KDM4B: variants seen among roughly 807,000 people sequenced by gnomAD.
KDM4B encodes the protein lysine demethylase 4B, also known as lysine-specific demethylase 4B.
A neutral mutation model predicts 125.2 loss-of-function variants in KDM4B; 32 were observed. The observed-to-expected ratio is 0.26, with a 90% CI of 0.19 to 0.34. KDM4B has a LOEUF of 0.34. Ranked by LOEUF, KDM4B falls within the 10% of genes least tolerant of loss-of-function variation. The pLI is 1.00. For synonymous variants in KDM4B, 721 were observed against 677.9 expected (o/e 1.06, Z -0.99); for missense variants, 1,190 against 1,577.7 (o/e 0.75, Z 4.16).
At chr19:5,132,857 G>A (rs1024358038) in intron 13 of KDM4B, among the ~76,000 whole-genome samples, 3 of 152,220 alleles carry the variant, frequency 2.0e-5, no homozygotes, top group East Asian at 3.8e-4. Context: ...CATCCCCAGG[G>A]CCTCGGGGCC....
At chr19:5,146,351 G>C (rs2039845798) in intron 21 of KDM4B, among the ~76,000 whole-genome samples, 1 of 152,244 alleles carries the variant, frequency 6.6e-6, no homozygotes, top group African/African-American at 2.4e-5. Flanking sequence ...ACCACTCTCG[G>C]ACCTTGCAGG....
intron 11 of KDM4B, among the ~76,000 whole-genome samples, chr19:5,130,624 A>G (rs1214242881): frequency 2.0e-5 from 3 of 152,258 alleles, no homozygotes; most frequent in Admixed American, 1.3e-4. Flanking sequence ...AACAGTAGAA[A>G]TGTACGTAAT....
intron 2 of KDM4B, among the ~76,000 whole-genome samples, chr19:5,027,718 T>G (rs1951384924): frequency 6.6e-6 from 1 of 151,968 alleles, no homozygotes; most frequent in South Asian, 2.1e-4. Context: ...TTTTCATATT[T>G]TTGAGTAGAG....
At chr19:5,042,259 G>C (rs2036842518) in intron 5 of KDM4B, among the ~76,000 whole-genome samples, 1 of 152,204 alleles carries the variant, frequency 6.6e-6, no homozygotes, top group African/African-American at 2.4e-5. Context: ...CCAGCACTTT[G>C]GGAGACTGAG....
chr19:4,981,364 C>T (rs946357910), intron 1 of KDM4B, among the ~76,000 whole-genome samples: 13 of 152,126 alleles, frequency 8.5e-5, no homozygotes, highest in African/African-American at 3.1e-4. Flanking sequence ...TGCCGGCCTC[C>T]CTGAGGGGCT....
intron 9 of KDM4B, among the ~76,000 whole-genome samples, chr19:5,106,304 G>A (rs1462864155): frequency 2.6e-5 from 4 of 152,194 alleles, no homozygotes; most frequent in African/African-American, 4.8e-5. Flanking sequence ...CAGTACAAAA[G>A]CAAAGGACAT....
intron 11 of KDM4B, among the ~76,000 whole-genome samples, chr19:5,121,590 G>A (rs1300896358): frequency 6.6e-6 from 1 of 152,174 alleles, no homozygotes; most frequent in East Asian, 1.9e-4. Context: ...GCCCCTTATG[G>A]TGCTAGCAAC....
chr19:5,109,699 G>A (rs996927309), intron 9 of KDM4B, among the ~76,000 whole-genome samples: 4 of 152,118 alleles, frequency 2.6e-5, no homozygotes, highest in South Asian at 2.1e-4. Flanking sequence ...CATCTTCTTC[G>A]TTAACATTGT....
At chr19:5,036,214 T>C (rs776199624) in intron 3 of KDM4B, among the ~76,000 whole-genome samples, 12 of 152,216 alleles carry the variant, frequency 7.9e-5, no homozygotes, top group Non-Finnish European at 1.5e-4. Flanking sequence ...TGTGTGTGCG[T>C]GCATGTATGT....
chr19:5,066,272 AAAGAG>A (rs1265198800), intron 6 of KDM4B, among the ~76,000 whole-genome samples: 1 of 152,186 alleles, frequency 6.6e-6, no homozygotes, highest in African/African-American at 2.4e-5. Flanking sequence ...TCAAAGTGTA[AAAGAG>A]AAGCTGGGAA....
At chr19:5,008,445 C>A (rs1156818041) in intron 1 of KDM4B, among the ~76,000 whole-genome samples, 2 of 152,038 alleles carry the variant, frequency 1.3e-5, no homozygotes, top group African/African-American at 2.4e-5. Flanking sequence ...TTTGTCTAGT[C>A]TTGAGTGTAG....
rs568846748 is a variant in KDM4B at position 5,079,809 on chromosome 19, C to G, written c.780+2339C>G. ...CTCAAGCTCCTGGGCATAAGTGTTTCTCTTGTCTTGGCCTCCCAAAATGCT... is the reference window on the plus strand; with the variant it reads ...CTCAAGCTCCTGGGCATAAGTGTTTGTCTTGTCTTGGCCTCCCAAAATGCT... On this transcript the variant is annotated intron_variant, in intron 8 of 22. Transcript: ENST00000159111. Among the ~76,000 whole-genome samples, 14 of 152,344 alleles carry G rather than the reference C, an allele frequency of 9.2e-5. No homozygotes were observed. The South Asian group carries it at 1.4e-3, about 16-fold the overall frequency.
At chr19:5,093,699 C>G (rs1029794862) in intron 9 of KDM4B, among the ~76,000 whole-genome samples, 1 of 152,302 alleles carries the variant, frequency 6.6e-6, no homozygotes, top group Admixed American at 6.5e-5. Context: ...GACAGATGGT[C>G]GAGATGGCTG....
chr19:5,150,351 C>T lies in KDM4B; in HGVS notation c.3022-7C>T, dbSNP rs1599284105. The T allele has an allele frequency of 6.4e-7, 1 of 1,550,528 alleles. No homozygotes were observed. Among genetic ancestry groups the T allele is most frequent in the Non-Finnish European group, 8.7e-7 (1 of 1,146,388 alleles). ...GCCAGGCCCCTGAGAGCCACATCCC[C>T]CTGCAGGTGGAGTTTGAGGACGGGT... On this transcript the variant is annotated splice_region_variant and splice_polypyrimidine_tract_variant and intron_variant, in intron 21 of 22. Transcript: ENST00000159111.
rs1599476800 is a variant in KDM4B, at chr19:5,039,955, T to C, written c.261T>C (p.Asn87=). 4.3e-6 allele frequency: 7 copies of C among 1,612,744 alleles called. No individual in the cohort carries two copies. The highest frequency in any genetic ancestry group is 4.2e-6 in the Non-Finnish European group (5 of 1,179,796). The stretch of plus-strand genomic sequence containing the variant: ...AGTCGGGCCTCTTCACGCAGTACAA[T>C]ATCCAGAAGAAGGCCATGACAGTGG... ...TGQSGLFTQY[N]IQKKAMTVGE... Residue 87 remains asparagine, a synonymous_variant, in exon 4 of 23, where the codon AAT becomes AAC. Transcript: ENST00000159111.
chr19:5,093,783 G>C (rs2038761605), intron 9 of KDM4B, among the ~76,000 whole-genome samples: 1 of 152,200 alleles, frequency 6.6e-6, no homozygotes, highest in South Asian at 2.1e-4. Flanking sequence ...TCACTGTTCA[G>C]CTGCTGGGAA....
At chr19:5,018,037 C>T (rs1022875472) in intron 2 of KDM4B, among the ~76,000 whole-genome samples, 9 of 145,354 alleles carry the variant, frequency 6.2e-5, no homozygotes, top group African/African-American at 1.8e-4. Context: ...CTGTGCCCAG[C>T]CAGTTAGCTT....
rs539271759 is a variant in KDM4B at position 5,091,548 on chromosome 19, G to T, written c.918+9044G>T. Among the ~76,000 whole-genome samples, 40 of 152,296 alleles carry T rather than the reference G, an allele frequency of 2.6e-4. 1 individual carries two copies. Among genetic ancestry groups the T allele is most frequent in the African/African-American group, 9.6e-4 (40 of 41,566 alleles). Reference sequence around the variant, plus strand: ...CTCCCCGCATCCAGGCTGGATGGGGGCTCCGGCAGGAACCAGGCCTCTCCT... The same window carrying T: ...CTCCCCGCATCCAGGCTGGATGGGGTCTCCGGCAGGAACCAGGCCTCTCCT... On this transcript the variant is annotated intron_variant, in intron 9 of 22. Transcript: ENST00000159111.
At chr19:5,040,492 G>A (rs1365999013) in intron 4 of KDM4B, among the ~76,000 whole-genome samples, 1 of 152,076 alleles carries the variant, frequency 6.6e-6, no homozygotes, top group Non-Finnish European at 1.5e-5. Context: ...TCTACACAGG[G>A]ACACACAGGC....
Sources: allele counts gnomAD v4.1 joint callset (sites outside exome capture counted in the v4.1 genomes callset), GRCh38; gene constraint gnomAD v4.1.1; transcripts MANE v1.5; gene names NCBI Gene and HGNC (gene_info 2026-07-23, HGNC 2026-07-21).